The following CSTF1 variants were observed in gnomAD, a reference collection of about 807,000 sequenced individuals.
The protein encoded by CSTF1 is CF-1 50 kDa subunit.
CSTF1 carries 2 observed loss-of-function variants against 40.9 expected under a neutral mutation model. That is an observed-to-expected ratio of 0.05 (90% CI 0.02 to 0.15). The LOEUF (loss-of-function observed/expected upper bound fraction) is 0.15. Ranked by LOEUF, CSTF1 falls within the 10% of genes least tolerant of loss-of-function variation. The pLI is 1.00. For missense variants in CSTF1, 279 were observed against 558.9 expected (o/e 0.50, Z 5.05); for synonymous variants, 218 against 207.2 (o/e 1.05, Z -0.45).
intron 5 of CSTF1, 34 bp from the exon 6 acceptor site, chr20:56,403,434 C>A: frequency 6.2e-7 from 1 of 1,611,314 alleles, no homozygotes; most frequent in Non-Finnish European, 8.5e-7. Flanking sequence ...AAGATGTGGA[C>A]TTAGAAAGCT....
chr20:56,398,786 T>G (rs1978334527), intron 4 of CSTF1, among the ~76,000 whole-genome samples, 181 bp from the exon 5 acceptor site: 1 of 152,248 alleles, frequency 6.6e-6, no homozygotes, highest in Non-Finnish European at 1.5e-5. Context: ...TATTTAGTTT[T>G]GGAAATCTAT....
Position 56,403,353 on chromosome 20 carries a change from G to A in CSTF1, c.1037-115G>A. The A allele has an allele frequency of 2.5e-6, 3 of 1,208,860 alleles. No homozygotes were observed. In the South Asian group the frequency reaches 4.2e-5, roughly 17 times the overall value. The allele number at this position is 1,208,860 out of a possible 1,614,324, so 74.9% of individuals were successfully genotyped here. ...TTGTACTTTTTTAGAGTTTCTGAAAGTGTACAAGGTGTATCACTGCAACAG... is the reference window on the plus strand; with the variant it reads ...TTGTACTTTTTTAGAGTTTCTGAAAATGTACAAGGTGTATCACTGCAACAG... On this transcript the variant is annotated intron_variant, in intron 5 of 5. Transcript: ENST00000217109.
At position 56,397,073 on chromosome 20, in the gene CSTF1, A is replaced by T. The variant is rs1600729289; in HGVS notation, c.170-134A>T. The T allele has an allele frequency of 1.1e-6, 1 of 887,096 alleles. No homozygotes were observed. Among genetic ancestry groups the T allele is most frequent in the Non-Finnish European group, 1.7e-6 (1 of 583,814 alleles). The allele number at this position is 887,096 out of a possible 1,614,324, so 55.0% of individuals were successfully genotyped here. A position where few individuals can be genotyped will look rare whatever the true frequency, so the allele number is the denominator to read the frequency against. On this transcript the variant is annotated intron_variant, in intron 2 of 5. Coordinates refer to ENST00000217109, the MANE Select transcript of CSTF1 (RefSeq NM_001324.3). This position sits in a 1 kb window ranked among gnomAD's most constrained non-coding sequence, Gnocchi z 4.4. ...AAAATACACAGTTTTGTAAAGTGTTAGGTGTCACGCGGCTCCAAGAAATAG... is the reference window on the plus strand; with the variant it reads ...AAAATACACAGTTTTGTAAAGTGTTTGGTGTCACGCGGCTCCAAGAAATAG...
At chr20:56,393,971 C>T (rs1199040578) in intron 1 of CSTF1, among the ~76,000 whole-genome samples, 2 of 152,132 alleles carry the variant, frequency 1.3e-5, no homozygotes, top group Non-Finnish European at 2.9e-5. Context: ...TGAACTCCTT[C>T]AGTGGTTAAG....
At chr20:56,394,935 G>A (rs1987474454) in intron 1 of CSTF1, among the ~76,000 whole-genome samples, 1 of 151,878 alleles carries the variant, frequency 6.6e-6, no homozygotes, top group Admixed American at 6.6e-5. Flanking sequence ...CATTTAACTC[G>A]GTTGGAGTTT....
chr20:56,399,706 A>G lies in CSTF1; in HGVS notation c.1036+349A>G, dbSNP rs1978372297. Among the ~76,000 whole-genome samples, 1 of 152,248 alleles carries G rather than the reference A, an allele frequency of 6.6e-6. No individual in the cohort carries two copies. The highest frequency in any genetic ancestry group is 2.4e-5 in the African/African-American group (1 of 41,464). On this transcript the variant is annotated intron_variant, in intron 5 of 5. Coordinates refer to ENST00000217109, the MANE Select transcript of CSTF1 (RefSeq NM_001324.3). The surrounding 1 kb of genome is among the most constrained non-coding windows in gnomAD (Gnocchi z 4.6). Reference sequence around the variant, plus strand: ...AATCCAGAGAAAAGTTTCCAATAGTAGATCTCAGTATTATTAATATATGTA... The same window carrying G: ...AATCCAGAGAAAAGTTTCCAATAGTGGATCTCAGTATTATTAATATATGTA...
chr20:56,395,558 C>T lies in CSTF1; in HGVS notation c.6C>T (p.Tyr2=), dbSNP rs780245661. Residue 2 remains tyrosine, a synonymous_variant, in exon 2 of 6, where the codon TAC becomes TAT. Coordinates refer to ENST00000217109, the MANE Select transcript of CSTF1 (RefSeq NM_001324.3). ...CTGTCTTCCTTTTCTCCAAGATGTA[C>T]AGAACCAAAGTGGGCTTGAAGGACC... The part of the protein sequence containing the change: M[Y]RTKVGLKDRQ... 1.2e-6 allele frequency: 2 copies of T among 1,613,294 alleles called. No homozygotes were observed. Among genetic ancestry groups the T allele is most frequent in the Non-Finnish European group, 1.7e-6 (2 of 1,179,634 alleles).
At position 56,405,760 on chromosome 20, in the gene CSTF1, C is replaced by T. The variant is rs1456454388; in HGVS notation, c.*2033C>T. The stretch of plus-strand genomic sequence containing the variant: ...AACTTGGCCATCTGTGGGTGCTACT[C>T]TCGTAAGACTAAAAGGCACCTACTA... On this transcript the variant is annotated 3_prime_UTR_variant, in exon 6 of 6. Transcript: ENST00000217109. 2 of 152,190 alleles carry T rather than the reference C, an allele frequency of 1.3e-5. No individual in the cohort carries two copies. The highest frequency in any genetic ancestry group is 1.5e-5 in the Non-Finnish European group (1 of 68,044). 9.4% of individuals were successfully genotyped at this position (152,190 alleles called of 1,614,324 possible).
rs1569115836 is a variant in CSTF1 at position 56,397,564 on chromosome 20, T to G, written c.447+80T>G. The G allele has an allele frequency of 6.3e-7, 1 of 1,597,746 alleles. No homozygotes were observed. Among genetic ancestry groups the G allele is most frequent in the Non-Finnish European group, 8.6e-7 (1 of 1,167,094 alleles). ...AAATGAGAGTATGGTTGAAACCAGC[T>G]TTAGTTTGCTACAGTTGTGGATTGT... On this transcript the variant is annotated intron_variant, in intron 3 of 5. Transcript: ENST00000217109. The surrounding 1 kb of genome is among the most constrained non-coding windows in gnomAD (Gnocchi z 4.4).
Position 56,403,836 on chromosome 20 carries a change from C to A in CSTF1, c.*109C>A, listed in dbSNP as rs1978584462. 2 of 1,060,238 alleles carry A rather than the reference C, an allele frequency of 1.9e-6. No individual in the cohort carries two copies. Among genetic ancestry groups the A allele is most frequent in the African/African-American group, 1.6e-5 (1 of 63,224 alleles). The allele number at this position is 1,060,238 out of a possible 1,614,324, so 65.7% of individuals were successfully genotyped here. A position where few individuals can be genotyped will look rare whatever the true frequency, so the allele number is the denominator to read the frequency against. On this transcript the variant is annotated 3_prime_UTR_variant, in exon 6 of 6. Coordinates refer to ENST00000217109, the MANE Select transcript of CSTF1 (RefSeq NM_001324.3). ...ACCATCCTTGACGTTTTGCTGCCAC[C>A]TCTGTCCACATTCTTCTTGGATTTG...
intron 1 of CSTF1, among the ~76,000 whole-genome samples, chr20:56,393,194 A>G (rs1987360604): frequency 6.8e-6 from 1 of 148,130 alleles, no homozygotes; most frequent in Non-Finnish European, 1.5e-5. Context: ...GTGTGTATGT[A>G]CACCCGGGAT....
At chr20:56,398,863 A>T in intron 4 of CSTF1, 104 bp from the exon 5 acceptor site, 1 of 1,111,052 alleles carries the variant, frequency 9.0e-7, no homozygotes, top group Non-Finnish European at 1.3e-6. Flanking sequence ...AATATCTAAT[A>T]ATTGTTTTAT....
At position 56,399,080 on chromosome 20, in the gene CSTF1, C is replaced by T. The variant is rs1324868711; in HGVS notation, c.759C>T (p.Val253=). 2 of 1,613,960 alleles carry T rather than the reference C, an allele frequency of 1.2e-6. No individual in the cohort carries two copies. The highest frequency in any genetic ancestry group is 2.2e-5 in the East Asian group (1 of 44,886). Residue 253 remains valine (V), a synonymous_variant, in exon 5 of 6, where the codon GTC becomes GTT. Coordinates refer to ENST00000217109, the MANE Select transcript of CSTF1 (RefSeq NM_001324.3). The surrounding 1 kb of genome is among the most constrained non-coding windows in gnomAD (Gnocchi z 4.6). ...ATATCAACACCTTTCAATGTTTTGT[C>T]TCTTGCAATCCTCAAGATCAACACA... ...LYDINTFQCF[V]SCNPQDQHTD...
chr20:56,403,748 C>CT lies in CSTF1; in HGVS notation c.*24dup. On this transcript the variant is annotated 3_prime_UTR_variant, in exon 6 of 6. Coordinates refer to ENST00000217109, the MANE Select transcript of CSTF1 (RefSeq NM_001324.3). ...ACTGAGCCACCCTCTCCGTAGGGTTCTTTCTCGAGGACTCTACCCTCCTCC... is the reference window on the plus strand; with the variant it reads ...ACTGAGCCACCCTCTCCGTAGGGTTCTTTTCTCGAGGACTCTACCCTCCTCC... 1.9e-6 allele frequency: 3 copies of CT among 1,597,820 alleles called. No individual in the cohort carries two copies. Among genetic ancestry groups the CT allele is most frequent in the Non-Finnish European group, 2.6e-6 (3 of 1,168,268 alleles).
intron 2 of CSTF1, chr20:56,396,982 A>G (rs749463117): frequency 2.0e-5 from 10 of 512,686 alleles, no homozygotes; most frequent in Admixed American, 3.7e-5. Flanking sequence ...GACTTTGTCT[A>G]TTGGAGCCTA....
chr20:56,400,258 T>C (rs1023359809), intron 5 of CSTF1, among the ~76,000 whole-genome samples: 25 of 152,186 alleles, frequency 1.6e-4, no homozygotes, highest in African/African-American at 5.5e-4. Context: ...GTAACCAAAG[T>C]TCCCTTCCCC....
intron 2 of CSTF1, 33 bp downstream of exon 2, chr20:56,395,754 GGCAAGGTTTTAGATAT>G: frequency 6.2e-7 from 1 of 1,602,388 alleles, no homozygotes; most frequent in South Asian, 1.1e-5. Flanking sequence ...TACGTCCCAT[GGCAAGGTTTTAGATAT>G]TTTCATATGG....
At position 56,395,674 on chromosome 20, in the gene CSTF1, A is replaced by G. The variant is rs751588332; in HGVS notation, c.122A>G (p.Gln41Arg). Residue 41 changes from glutamine to arginine, a missense_variant, in exon 2 of 6, where the codon CAG becomes CGG. Transcript: ENST00000217109. ...ANGLINEIKPQSVCAPSEQLL... is the reference protein window; with the variant it reads ...ANGLINEIKPRSVCAPSEQLL... ...GGCCTCATCAATGAAATCAAGCCTC[A>G]GTCTGTGTGTGCACCCTCGGAGCAG... 2 of 1,614,202 alleles carry G rather than the reference A, an allele frequency of 1.2e-6. No homozygotes were observed. Among genetic ancestry groups the G allele is most frequent in the East Asian group, 4.5e-5 (2 of 44,890 alleles).
intron 1 of CSTF1, 176 bp downstream of exon 1, chr20:56,392,889 C>G (rs1003787140): frequency 2.0e-5 from 3 of 152,216 alleles, no homozygotes; most frequent in Admixed American, 2.0e-4. Context: ...CTCGAAGGGC[C>G]TCGCTTCCAT....
Sources: gnomAD v4.1 joint callset for allele counts (sites outside exome capture counted in the v4.1 genomes callset) on GRCh38, gnomAD v4.1.1 for gene constraint, Gnocchi (gnomAD v3.1) non-coding constraint, MANE v1.5 for transcripts, NCBI Gene and HGNC (gene_info 2026-07-23, HGNC 2026-07-21) for gene names.